The following ANKRD10 variants were observed in gnomAD, a reference collection of about 807,000 sequenced individuals.
ANKRD10 encodes the protein ankyrin repeat domain 10, also known as ankyrin repeat domain-containing protein 10.
A neutral mutation model predicts 27.0 loss-of-function variants in ANKRD10; 14 were observed. That is an observed-to-expected ratio of 0.52 (90% confidence interval 0.34 to 0.81). ANKRD10 has a LOEUF of 0.81. Ranked by LOEUF, ANKRD10 falls within the 40% of genes least tolerant of loss-of-function variation. The probability of loss-of-function intolerance (pLI) is 0.01; values close to 1 mark genes in which losing one functional copy is unlikely to be tolerated. For synonymous variants in ANKRD10, 250 were observed against 224.5 expected, an observed-to-expected ratio of 1.11 and a Z score of -1.01; for missense variants, 493 against 544.0, an observed-to-expected ratio of 0.91 and a Z score of 0.93.
chr13:110,884,191 T>A (rs868134296), intron 4 of ANKRD10, among the ~76,000 whole-genome samples: 46 of 149,186 alleles, frequency 3.1e-4, no homozygotes, highest in African/African-American at 5.4e-4. Flanking sequence ...CCTGATTTTT[T>A]AAAAAAATCC....
chr13:110,905,080 G>A (rs949053804), intron 3 of ANKRD10: 2 of 151,976 alleles, frequency 1.3e-5, no homozygotes, highest in African/African-American at 4.8e-5. Flanking sequence ...TTTCTGATTA[G>A]AATAATGTGG....
intron 3 of ANKRD10, chr13:110,900,722 T>C (rs1245180290): frequency 9.0e-6 from 12 of 1,328,626 alleles, no homozygotes; most frequent in South Asian, 1.1e-5. Context: ...GTGTAGTTTT[T>C]ACAGATTCAG....
Position 110,914,943 on chromosome 13 carries a change from A to C in ANKRD10, c.-9T>G. 6.5e-7 allele frequency: 1 copy of C among 1,530,184 alleles called. No homozygotes were observed. Among genetic ancestry groups the C allele is most frequent in the East Asian group, 2.5e-5 (1 of 40,750 alleles). The allele number at this position is 1,530,184 out of a possible 1,614,324, so 94.8% of individuals were successfully genotyped here. A position where few individuals can be genotyped will look rare whatever the true frequency, so the allele number is the denominator to read the frequency against. ...GCTCCCGCCGCCGACATGGTCCGTC[A>C]CCGGAGAGCGCGGGGCTCGCTGGCC... On this transcript the variant is annotated 5_prime_UTR_variant, in exon 1 of 6. Coordinates refer to ENST00000267339, the MANE Select transcript of ANKRD10 (RefSeq NM_017664.4).
At chr13:110,914,206 CTACT>C (rs1241003517) in intron 1 of ANKRD10, among the ~76,000 whole-genome samples, 5 of 152,342 alleles carry the variant, frequency 3.3e-5, no homozygotes, top group Non-Finnish European at 7.4e-5. Context: ...CGGCCCTCGG[CTACT>C]GGCGAGGCTG....
intron 3 of ANKRD10, chr13:110,894,200 A>C: frequency 6.2e-7 from 1 of 1,608,864 alleles, no homozygotes; most frequent in Non-Finnish European, 8.5e-7. Flanking sequence ...CTGTGAAATA[A>C]ACCTGTAAAA....
intron 2 of ANKRD10, among the ~76,000 whole-genome samples, chr13:110,909,311 C>G (rs896454487): frequency 6.6e-6 from 1 of 152,174 alleles, no homozygotes; most frequent in Non-Finnish European, 1.5e-5. Context: ...AAGTTAATGA[C>G]TTGCCCAAGG....
chr13:110,902,016 CTGG>C (rs1231683680), intron 3 of ANKRD10, among the ~76,000 whole-genome samples: 1 of 138,070 alleles, frequency 7.2e-6, no homozygotes, highest in Non-Finnish European at 1.5e-5. Flanking sequence ...GTACTTTAGC[CTGG>C]ACGACAAAGG....
chr13:110,913,212 T>C (rs1301283472), intron 1 of ANKRD10, among the ~76,000 whole-genome samples: 3 of 152,330 alleles, frequency 2.0e-5, no homozygotes, highest in Non-Finnish European at 2.9e-5. Flanking sequence ...CACCCAGTAT[T>C]GTGTCGTTCT....
chr13:110,883,873 T>C, intron 4 of ANKRD10, 80 bp from the exon 5 acceptor site: 1 of 1,521,266 alleles, frequency 6.6e-7, no homozygotes. Context: ...TACATTATTT[T>C]GTGTGAGCAC....
chr13:110,908,156 G>A (rs185792891), intron 2 of ANKRD10, among the ~76,000 whole-genome samples: 1 of 152,216 alleles, frequency 6.6e-6, no homozygotes, highest in East Asian at 1.9e-4. Context: ...TGATCTACAG[G>A]GAACTGGGAG....
At chr13:110,908,015 A>C (rs1349117236) in intron 2 of ANKRD10, among the ~76,000 whole-genome samples, 1 of 152,214 alleles carries the variant, frequency 6.6e-6, no homozygotes, top group African/African-American at 2.4e-5. Context: ...GGGCAGAGCA[A>C]ACACTAGAGA....
chr13:110,899,946 T>C (rs985583482), intron 3 of ANKRD10, among the ~76,000 whole-genome samples: 10 of 152,196 alleles, frequency 6.6e-5, no homozygotes, highest in South Asian at 2.1e-4. Flanking sequence ...GCACAGTGGC[T>C]CAACCCTATA....
At chr13:110,880,171 T>C (rs929946676) in intron 5 of ANKRD10, 59 bp from the exon 6 acceptor site, 53 of 1,396,090 alleles carry the variant, frequency 3.8e-5, no homozygotes, top group Non-Finnish European at 4.9e-5. Flanking sequence ...GGAGAAACTA[T>C]AAAATGCTTC....
intron 3 of ANKRD10, among the ~76,000 whole-genome samples, chr13:110,899,407 G>A (rs1409354155): frequency 1.3e-5 from 2 of 152,132 alleles, no homozygotes; most frequent in Admixed American, 6.5e-5. Context: ...GTGTCTGTTC[G>A]TTTCTGAAAA....
chr13:110,891,933 G>A (rs1039352538), intron 4 of ANKRD10, among the ~76,000 whole-genome samples: 7 of 139,820 alleles, frequency 5.0e-5, no homozygotes, highest in South Asian at 2.2e-4. Context: ...GGCTGGTCTC[G>A]AACTCCTGAG....
intron 4 of ANKRD10, among the ~76,000 whole-genome samples, chr13:110,887,686 T>C (rs1326133086): frequency 1.3e-5 from 2 of 152,242 alleles, no homozygotes; most frequent in East Asian, 1.9e-4. Flanking sequence ...AACTGCCAAG[T>C]AGTTTCACCC....
rs777004275 is a variant in ANKRD10, at chr13:110,906,057, A to G, written c.431T>C (p.Leu144Pro). ...RSGSLECISA[L>P]VANGAHVDLR... Reference sequence around the variant, plus strand: ...CTCGACGTGAGCCCCATTCGCCACAAGGGCACTGATGCATTCTAGGCTCCC... The same window carrying G: ...CTCGACGTGAGCCCCATTCGCCACAGGGGCACTGATGCATTCTAGGCTCCC... The change falls in exon 3 of 6, where the codon CTT (leucine) becomes CCT (proline). Residue 144 changes from leucine (L) to proline (P), a missense_variant. Physicochemically the swap from Leu to Pro is moderately conservative, Grantham distance 98 (BLOSUM62 -3). Coordinates refer to ENST00000267339, the MANE Select transcript of ANKRD10 (RefSeq NM_017664.4). 1.2e-6 allele frequency: 2 copies of G among 1,602,676 alleles called. No homozygotes were observed. The highest frequency in any genetic ancestry group is 1.7e-6 in the Non-Finnish European group (2 of 1,173,652).
chr13:110,913,344 C>G (rs183966994), intron 1 of ANKRD10, among the ~76,000 whole-genome samples: 2 of 152,174 alleles, frequency 1.3e-5, no homozygotes, highest in Non-Finnish European at 2.9e-5. Flanking sequence ...TTTAAGGCTG[C>G]ACGCAGAAGC....
intron 4 of ANKRD10, among the ~76,000 whole-genome samples, chr13:110,887,663 T>C (rs9588292): frequency 0.31 from 47,094 of 152,108 alleles, 7,680 homozygotes; most frequent in African/African-American, 0.4. Flanking sequence ...CAGGAGACAT[T>C]TTACAAGTCA....
Sources: gnomAD v4.1 joint callset for allele counts (sites outside exome capture counted in the v4.1 genomes callset) on GRCh38, gnomAD v4.1.1 for gene constraint, MANE v1.5 for transcripts, NCBI Gene and HGNC (gene_info 2026-07-23, HGNC 2026-07-21) for gene names.